SPACA7: variants seen among roughly 807,000 people sequenced by gnomAD.
The protein encoded by SPACA7 is sperm acrosome associated 7.
SPACA7 carries 19 observed loss-of-function variants against 26.3 expected under a neutral mutation model. The observed-to-expected ratio is 0.72, with a 90% CI of 0.50 to 1.06. SPACA7 has a LOEUF of 1.06. Among genes scored for constraint, SPACA7 ranks in the 50% least tolerant of loss-of-function variants. SPACA7 has a pLI of 0.00. For synonymous variants in SPACA7, 84 were observed against 84.5 expected, an observed-to-expected ratio of 0.99 and a Z score of 0.04; for missense variants, 211 against 229.9, an observed-to-expected ratio of 0.92 and a Z score of 0.53.
At chr13:112,396,306 G>C (rs1438172782) in intron 2 of SPACA7, among the ~76,000 whole-genome samples, 2 of 152,120 alleles carry the variant, frequency 1.3e-5, no homozygotes, top group Non-Finnish European at 2.9e-5. Flanking sequence ...CGAAGCCAGA[G>C]TTGGCCAGGA....
chr13:112,419,227 G>T (rs1217499019), intron 5 of SPACA7, among the ~76,000 whole-genome samples: 1 of 152,114 alleles, frequency 6.6e-6, no homozygotes, highest in Non-Finnish European at 1.5e-5. Flanking sequence ...GAGGAAAACA[G>T]GTCACCACCA....
intron 4 of SPACA7, among the ~76,000 whole-genome samples, chr13:112,399,648 C>T (rs1594276359): frequency 6.6e-6 from 1 of 152,198 alleles, no homozygotes; most frequent in African/African-American, 2.4e-5. Context: ...ATACTTGGAC[C>T]CCATGGAGGG....
At chr13:112,423,520 A>T (rs528668231) in intron 5 of SPACA7, among the ~76,000 whole-genome samples, 2 of 152,302 alleles carry the variant, frequency 1.3e-5, no homozygotes, top group African/African-American at 4.8e-5. Flanking sequence ...TCATAATTGA[A>T]AAAAAAGTAA....
In SPACA7 at chr13:112,434,174, C is replaced by T. The variant is rs537384132; in HGVS notation, c.524-311C>T. ...TCCCAGGAATGAGATCCACAGCCGGCCGCCATGAGGGGAGGAGGAGGAGGA... is the reference window on the plus strand; with the variant it reads ...TCCCAGGAATGAGATCCACAGCCGGTCGCCATGAGGGGAGGAGGAGGAGGA... On this transcript the variant is annotated intron_variant, in intron 6 of 6. Transcript: ENST00000283550. Among the ~76,000 whole-genome samples the T allele has an allele frequency of 4.1e-4, 62 of 152,312 alleles. No individual in the cohort carries two copies. In the South Asian group the frequency reaches 0.012, roughly 29 times the overall value.
chr13:112,391,650 A>G (rs1332481636), intron 1 of SPACA7, among the ~76,000 whole-genome samples: 1 of 152,220 alleles, frequency 6.6e-6, no homozygotes, highest in Non-Finnish European at 1.5e-5. Context: ...CCACTTGACA[A>G]TGCACTTTAA....
intron 5 of SPACA7, 21 bp downstream of exon 5, chr13:112,401,185 C>T: frequency 1.3e-6 from 2 of 1,570,348 alleles, no homozygotes; most frequent in Non-Finnish European, 1.8e-6. Flanking sequence ...CCTGCCCACA[C>T]TGAGAGCTCT....
At chr13:112,406,618 C>T (rs1157706275) in intron 5 of SPACA7, among the ~76,000 whole-genome samples, 1 of 152,128 alleles carries the variant, frequency 6.6e-6, no homozygotes, top group African/African-American at 2.4e-5. Context: ...TGTTCATTAT[C>T]ACCAATTATT....
chr13:112,379,101 C>T (rs1883881265), intron 1 of SPACA7, among the ~76,000 whole-genome samples: 4 of 152,168 alleles, frequency 2.6e-5, no homozygotes, highest in Admixed American at 2.6e-4. Context: ...AGAAACATTT[C>T]CAAGAAAATT....
intron 1 of SPACA7, among the ~76,000 whole-genome samples, chr13:112,383,129 G>GAAAGA (rs1398230471): frequency 5.2e-3 from 43 of 8,288 alleles, no homozygotes; most frequent in African/African-American, 0.02. Flanking sequence ...AGAAAAGAAA[G>GAAAGA]AAAGAAAGAA....
At chr13:112,392,135 C>T in intron 1 of SPACA7, among the ~76,000 whole-genome samples, 1 of 152,166 alleles carries the variant, frequency 6.6e-6, no homozygotes, top group East Asian at 1.9e-4. Context: ...AGAAGCTGAC[C>T]TTGACCTTGA....
At chr13:112,433,161 C>G (rs1293417429) in intron 6 of SPACA7, among the ~76,000 whole-genome samples, 3 of 150,524 alleles carry the variant, frequency 2.0e-5, no homozygotes, top group South Asian at 4.3e-4. Flanking sequence ...GCCCCTCCCC[C>G]CATACCCTGC....
At chr13:112,423,298 T>C (rs1876171705) in intron 5 of SPACA7, among the ~76,000 whole-genome samples, 2 of 152,136 alleles carry the variant, frequency 1.3e-5, no homozygotes, top group Non-Finnish European at 2.9e-5. Flanking sequence ...ACTGAAGCAG[T>C]GCTCAAATGG....
At chr13:112,411,369 C>G (rs1886339889) in intron 5 of SPACA7, among the ~76,000 whole-genome samples, 1 of 152,076 alleles carries the variant, frequency 6.6e-6, no homozygotes, top group Non-Finnish European at 1.5e-5. Flanking sequence ...TATATGCATA[C>G]AATGTGTAAT....
In SPACA7 at chr13:112,393,575, G is replaced by A. The variant is rs577335310; in HGVS notation, c.151+498G>A. ...TGGCCTCACCCCGGGGATGCAGGCC[G>A]TGCTGGTTTGGCTGAGCCTGGTGCC... On this transcript the variant is annotated intron_variant, in intron 2 of 6. Coordinates refer to ENST00000283550, the MANE Select transcript of SPACA7 (RefSeq NM_145248.5). Among the ~76,000 whole-genome samples the A allele has an allele frequency of 9.2e-5, 14 of 152,326 alleles. No individual in the cohort carries two copies. In the South Asian group the frequency reaches 1.5e-3, roughly 16 times the overall value.
At chr13:112,387,893 A>G (rs542605353) in intron 1 of SPACA7, among the ~76,000 whole-genome samples, 29 of 152,292 alleles carry the variant, frequency 1.9e-4, no homozygotes, top group Non-Finnish European at 3.4e-4. Flanking sequence ...TCAGCACCCA[A>G]TGTCAACCTG....
In SPACA7 at chr13:112,399,082, G is replaced by A. The variant is rs144734343; in HGVS notation, c.258G>A (p.Glu86=). 14 of 1,606,914 alleles carry A rather than the reference G, an allele frequency of 8.7e-6. No individual in the cohort carries two copies. The African/African-American group carries it at 1.6e-4, about 18-fold the overall frequency. Residue 86 remains glutamate, a synonymous_variant, in exon 4 of 7, where the codon GAG becomes GAA. Transcript: ENST00000283550. ...TCATTGAAGATGCTGGTATTGATGA[G>A]AATTATCAAGCTGGTGGTTCTGAGA... ...LSTPLHAGID[E]NYQAGGSENY...
intron 1 of SPACA7, among the ~76,000 whole-genome samples, chr13:112,383,062 G>A (rs1052078247): frequency 7.0e-6 from 1 of 143,388 alleles, no homozygotes; most frequent in Non-Finnish European, 1.5e-5. Context: ...GAAAGAAAGA[G>A]ACAGAAAGAG....
intron 5 of SPACA7, among the ~76,000 whole-genome samples, chr13:112,405,026 A>C (rs904316761): frequency 7.7e-6 from 1 of 129,240 alleles, no homozygotes; most frequent in African/African-American, 3.1e-5. Context: ...TGTGTCGCCC[A>C]GGCAGGAGTG....
rs1476965481 is a variant in SPACA7, at chr13:112,383,049, A to AG, written c.94+6570_94+6571insG. ...GAAAGAGAGAGAGAGAGAAAGACAGAAGGAAAGAAAGAGACAGAAAGAGAA... is the reference window on the plus strand; with the variant it reads ...GAAAGAGAGAGAGAGAGAAAGACAGAGAGGAAAGAAAGAGACAGAAAGAGAA... On this transcript the variant is annotated intron_variant, in intron 1 of 6. Transcript: ENST00000283550. 5.8e-4 allele frequency among the ~76,000 whole-genome samples: 84 copies of AG among 145,530 alleles called. 3 individuals are homozygous for AG. Among genetic ancestry groups the AG allele is most frequent in the African/African-American group, 1.4e-3 (53 of 37,672 alleles).
Sources: gnomAD v4.1 joint callset for allele counts (sites outside exome capture counted in the v4.1 genomes callset) on GRCh38, gnomAD v4.1.1 for gene constraint, MANE v1.5 for transcripts, NCBI Gene and HGNC (gene_info 2026-07-23, HGNC 2026-07-21) for gene names.